NUDT3: variants seen among roughly 807,000 people sequenced by gnomAD.
NUDT3 encodes the protein diphosphoinositol polyphosphate phosphohydrolase 1.
NUDT3 carries 9 observed loss-of-function variants against 23.6 expected under a neutral mutation model. The ratio of observed to expected loss-of-function variants is 0.38; its 90% confidence interval spans 0.23 to 0.66. The LOEUF (loss-of-function observed/expected upper bound fraction) is 0.66. Among genes scored for constraint, NUDT3 ranks in the 30% least tolerant of loss-of-function variants. The pLI is 0.52. For synonymous variants in NUDT3, 86 were observed against 82.6 expected (o/e 1.04, Z -0.22); for missense variants, 172 against 218.5 (o/e 0.79, Z 1.34).
At chr6:34,333,128 T>C (rs1764154518) in intron 2 of NUDT3, among the ~76,000 whole-genome samples, 1 of 152,126 alleles carries the variant, frequency 6.6e-6, no homozygotes, top group African/African-American at 2.4e-5. Context: ...CCTAACCCTG[T>C]AAGGGGTCAC....
At chr6:34,354,057 AC>A (rs920156101) in intron 1 of NUDT3, among the ~76,000 whole-genome samples, 7 of 151,732 alleles carry the variant, frequency 4.6e-5, no homozygotes, top group Non-Finnish European at 1.0e-4. Context: ...AGCTGGGAAT[AC>A]AGGCACCCAC....
intron 2 of NUDT3, among the ~76,000 whole-genome samples, chr6:34,314,228 A>G (rs1387926253): frequency 6.6e-6 from 1 of 151,764 alleles, no homozygotes; most frequent in Non-Finnish European, 1.5e-5. Flanking sequence ...TTTGAGACCA[A>G]CCTGGCCAAT....
At chr6:34,377,636 T>G (rs568277855) in intron 1 of NUDT3, among the ~76,000 whole-genome samples, 1 of 150,920 alleles carries the variant, frequency 6.6e-6, no homozygotes, top group East Asian at 2.0e-4. Context: ...GAGTTTGAGA[T>G]CAGCCTGGCA....
At chr6:34,354,749 A>ATATATATATATATATATATAGTTATT (rs570166534) in intron 1 of NUDT3, among the ~76,000 whole-genome samples, 1 of 144,540 alleles carries the variant, frequency 6.9e-6, no homozygotes, top group African/African-American at 2.5e-5. Context: ...ATATATATAT[A>ATATATATATATATATATATAGTTATT]TATTTATTTA....
chr6:34,361,951 G>A (rs1045720306), intron 1 of NUDT3, among the ~76,000 whole-genome samples: 11 of 152,190 alleles, frequency 7.2e-5, no homozygotes, highest in African/African-American at 2.7e-4. Flanking sequence ...TCCATAGGAA[G>A]TACACCAGCA....
chr6:34,352,170 A>G (rs1764488970), intron 1 of NUDT3, among the ~76,000 whole-genome samples: 1 of 152,172 alleles, frequency 6.6e-6, no homozygotes, highest in African/African-American at 2.4e-5. Context: ...ATTTTATTAT[A>G]TCATTATTTT....
chr6:34,314,715 C>A (rs575286693), intron 2 of NUDT3, among the ~76,000 whole-genome samples: 27 of 152,088 alleles, frequency 1.8e-4, no homozygotes, highest in Non-Finnish European at 1.5e-5. Context: ...AGATGAAAGC[C>A]CAGGGCTTTG....
At chr6:34,377,283 T>C (rs1049766813) in intron 1 of NUDT3, among the ~76,000 whole-genome samples, 1 of 152,100 alleles carries the variant, frequency 6.6e-6, no homozygotes, top group Non-Finnish European at 1.5e-5. Flanking sequence ...AGTGGACATG[T>C]CCACAGTTTT....
chr6:34,311,483 T>A (rs1763771703), intron 2 of NUDT3, among the ~76,000 whole-genome samples: 1 of 152,210 alleles, frequency 6.6e-6, no homozygotes, highest in African/African-American at 2.4e-5. Flanking sequence ...AGACTCAACA[T>A]TATTAATATG....
chr6:34,327,484 C>T (rs566160764), intron 2 of NUDT3, among the ~76,000 whole-genome samples: 35 of 148,394 alleles, frequency 2.4e-4, no homozygotes, highest in Non-Finnish European at 4.4e-4. Flanking sequence ...GAGCTGAGAT[C>T]GTGCCACTGC....
At chr6:34,336,097 C>T (rs1199757625) in intron 2 of NUDT3, among the ~76,000 whole-genome samples, 5 of 151,876 alleles carry the variant, frequency 3.3e-5, no homozygotes, top group East Asian at 3.9e-4. Flanking sequence ...GATGAAACCC[C>T]GTCTCTACTA....
chr6:34,295,806 T>A, intron 2 of NUDT3, 121 bp from the exon 3 acceptor site: 1 of 1,199,600 alleles, frequency 8.3e-7, no homozygotes, highest in Non-Finnish European at 1.2e-6. Context: ...TTGGGCAGAC[T>A]CCACGATCTG....
In NUDT3 at chr6:34,298,544, T is replaced by C. The variant is rs191735279; in HGVS notation, c.211-2859A>G. On this transcript the variant is annotated intron_variant, in intron 2 of 4. Transcript: ENST00000607016. Reference sequence around the variant, plus strand: ...TAGTGTAAATCAAATTATGCTGCCATTTGTACACCAACATTTCAGTGGTAT... The same window carrying C: ...TAGTGTAAATCAAATTATGCTGCCACTTGTACACCAACATTTCAGTGGTAT... Among the ~76,000 whole-genome samples the C allele has an allele frequency of 4.6e-3, 704 of 152,050 alleles. 5 individuals are homozygous for C. Among genetic ancestry groups the C allele is most frequent in the Middle Eastern group, 0.024 (7 of 294 alleles).
chr6:34,307,581 A>G (rs1181448009), intron 2 of NUDT3, among the ~76,000 whole-genome samples: 1 of 152,202 alleles, frequency 6.6e-6, no homozygotes, highest in East Asian at 1.9e-4. Context: ...GTCTCTAAAA[A>G]TTTTAACAAG....
chr6:34,324,700 AGTC>A (rs936103310), intron 2 of NUDT3, among the ~76,000 whole-genome samples: 10 of 152,256 alleles, frequency 6.6e-5, no homozygotes, highest in Admixed American at 3.3e-4. Context: ...CTTTTTATAT[AGTC>A]AATAGTATCT....
At chr6:34,299,913 A>AT (rs1561899768) in intron 2 of NUDT3, among the ~76,000 whole-genome samples, 5 of 149,994 alleles carry the variant, frequency 3.3e-5, no homozygotes, top group African/African-American at 1.2e-4. Flanking sequence ...AAAAAAAAAA[A>AT]ATATTTTTTT....
At chr6:34,297,732 TATATATATATA>T (rs1424708508) in intron 2 of NUDT3, among the ~76,000 whole-genome samples, 1 of 27,758 alleles carries the variant, frequency 3.6e-5, no homozygotes, top group African/African-American at 1.6e-4. Context: ...AAAAAAAAAA[TATATATATATA>T]TATATATATA....
chr6:34,347,721 A>C (rs961835364), intron 1 of NUDT3, among the ~76,000 whole-genome samples: 1 of 152,180 alleles, frequency 6.6e-6, no homozygotes, highest in African/African-American at 2.4e-5. Context: ...TTAAAATATA[A>C]AAGAAACCCA....
intron 2 of NUDT3, among the ~76,000 whole-genome samples, chr6:34,336,725 GT>G (rs775402445): frequency 6.8e-5 from 10 of 147,538 alleles, no homozygotes; most frequent in South Asian, 2.2e-4. Flanking sequence ...GCTTTATAAA[GT>G]TTTTTTTTTA....
Sources: gnomAD v4.1 joint callset for allele counts (sites outside exome capture counted in the v4.1 genomes callset) on GRCh38, gnomAD v4.1.1 for gene constraint, MANE v1.5 for transcripts, NCBI Gene and HGNC (gene_info 2026-07-23, HGNC 2026-07-21) for gene names.